NRXN2: variants seen among roughly 807,000 people sequenced by gnomAD.
NRXN2 encodes neurexin-2-beta.
Under a neutral mutation model 128.8 loss-of-function variants are expected in NRXN2, and 29 were observed. That is an observed-to-expected ratio of 0.23 (90% confidence interval 0.17 to 0.31). NRXN2 has a LOEUF of 0.31. Among genes scored for constraint, NRXN2 ranks in the 10% least tolerant of loss-of-function variants. The probability of loss-of-function intolerance (pLI) is 1.00; values close to 1 mark genes in which losing one functional copy is unlikely to be tolerated. For synonymous variants in NRXN2, 1,098 were observed against 1,075.2 expected, an observed-to-expected ratio of 1.02 and a Z score of -0.41; for missense variants, 1,881 against 2,452.6, an observed-to-expected ratio of 0.77 and a Z score of 4.92.
At chr11:64,686,615 T>C (rs1215701736) in intron 5 of NRXN2, among the ~76,000 whole-genome samples, 1 of 152,066 alleles carries the variant, frequency 6.6e-6, no homozygotes, top group East Asian at 1.9e-4. Flanking sequence ...CAGGCAGAGC[T>C]CACATGGGTG....
intron 9 of NRXN2, among the ~76,000 whole-genome samples, chr11:64,665,053 CGG>C (rs2049622433): frequency 6.6e-6 from 1 of 151,350 alleles, no homozygotes; most frequent in Non-Finnish European, 1.5e-5. Flanking sequence ...GAGGCCAAGG[CGG>C]GCGGATCATG....
At chr11:64,650,268 G>A (rs923486925) in intron 15 of NRXN2, among the ~76,000 whole-genome samples, 180 bp downstream of exon 15, 1 of 152,098 alleles carries the variant, frequency 6.6e-6, no homozygotes, top group Non-Finnish European at 1.5e-5. Context: ...AGACTCACAA[G>A]AGAGCCAAGC....
In NRXN2 at chr11:64,607,713, T is replaced by A. The variant is rs797045801; in HGVS notation, c.4622A>T (p.Asp1541Val). Residue 1541 changes from aspartate to valine, a missense_variant, in exon 23 of 23, where the codon GAT becomes GTT. Asp to Val is a radical substitution (Grantham distance 152). Coordinates refer to ENST00000265459, the MANE Select transcript of NRXN2 (RefSeq NM_015080.4). Reference protein sequence around the residue: ...KPAPRPNLRTDGATGAPGVLF... With the variant: ...KPAPRPNLRTVGATGAPGVLF... ...CACCCCAGGGGCGCCCGTGGCCCCA[T>A]CTGTCCTGAGGTTGGGCCGGGGAGC... The A allele has an allele frequency of 1.3e-6, 2 of 1,554,860 alleles. No homozygotes were observed. The highest frequency in any genetic ancestry group is 2.4e-5 in the South Asian group (2 of 84,494).
chr11:64,630,224 C>T lies in NRXN2; in HGVS notation c.3757+178G>A, dbSNP rs2135368522. On this transcript the variant is annotated intron_variant, in intron 19 of 22. Transcript: ENST00000265459. This position sits in a 1 kb window ranked among gnomAD's most constrained non-coding sequence, Gnocchi z 4.6. ...CCGCCGCCACAAATCCCGACTTTTCCTAGCCACGCCCCTGCCCTAGTCCCG... is the reference window on the plus strand; with the variant it reads ...CCGCCGCCACAAATCCCGACTTTTCTTAGCCACGCCCCTGCCCTAGTCCCG... Among the ~76,000 whole-genome samples the T allele has an allele frequency of 6.6e-6, 1 of 152,272 alleles. No individual in the cohort carries two copies. The highest frequency in any genetic ancestry group is 1.9e-4 in the East Asian group (1 of 5,164).
intron 20 of NRXN2, among the ~76,000 whole-genome samples, chr11:64,625,477 G>A (rs2042947656): frequency 6.6e-6 from 1 of 152,178 alleles, no homozygotes; most frequent in Non-Finnish European, 1.5e-5. Context: ...TATCACATCT[G>A]GTTATCAGCA....
chr11:64,673,410 T>C (rs1376416206), intron 7 of NRXN2, among the ~76,000 whole-genome samples: 2 of 152,014 alleles, frequency 1.3e-5, no homozygotes, highest in Non-Finnish European at 2.9e-5. Context: ...TTAGTAAAAA[T>C]AAATTGGAAA....
chr11:64,688,245 G>A (rs1592126208), intron 5 of NRXN2: 1 of 976,412 alleles, frequency 1.0e-6, no homozygotes, highest in South Asian at 4.7e-5. Flanking sequence ...GGGTGGCAAA[G>A]CTAGCTACTC....
chr11:64,716,273 AGGGACTGTTTCCCCC>A (rs1404555811), intron 1 of NRXN2, among the ~76,000 whole-genome samples: 1 of 152,092 alleles, frequency 6.6e-6, no homozygotes, highest in Non-Finnish European at 1.5e-5. Context: ...TCAGAACAGG[AGGGACTGTTTCCCCC>A]GCCCCACCCC....
Position 64,661,100 on chromosome 11 carries a change from G to A in NRXN2, c.1838C>T (p.Ala613Val), listed in dbSNP as rs748162664. ...GTCCAGAATCTCGCTGTCTCCAGTG[G>A]CCAAGAACGGCGTGCTGCGACTATT... ...SVNSRSTPFL[A>V]TGDSEILDLE... Residue 613 changes from alanine (A) to valine (V), a missense_variant, in exon 10 of 23, where the codon GCC (alanine) becomes GTC (valine). Physicochemically the swap from Ala to Val is moderately conservative, Grantham distance 64. Around this residue, in one of 7 missense-constraint regions of NRXN2, gnomAD observed 997 missense variants for 1,240.8 expected, o/e 0.80. Coordinates refer to ENST00000265459, the MANE Select transcript of NRXN2 (RefSeq NM_015080.4). The A allele has an allele frequency of 1.8e-5, 29 of 1,613,462 alleles. No homozygotes were observed. The highest frequency in any genetic ancestry group is 2.4e-5 in the Non-Finnish European group (28 of 1,180,032).
In NRXN2 at chr11:64,651,670, G is replaced by A. The variant is rs764812557; in HGVS notation, c.2537-34C>T. On this transcript the variant is annotated intron_variant, in intron 13 of 22. Transcript: ENST00000265459. This position sits in a 1 kb window ranked among gnomAD's most constrained non-coding sequence, Gnocchi z 5.9. ...GACAGGAGACCAAGATGAGGGGGAT[G>A]GCTTTGGGGCAGGGCTGGGGCTTGG... The A allele has an allele frequency of 1.6e-5, 26 of 1,610,906 alleles. No homozygotes were observed. The highest frequency in any genetic ancestry group is 2.0e-5 in the Non-Finnish European group (23 of 1,178,894).
Position 64,660,061 on chromosome 11 carries a change from T to C in NRXN2, c.2389+271A>G, listed in dbSNP as rs995479013. Among the ~76,000 whole-genome samples, 5 of 152,220 alleles carry C rather than the reference T, an allele frequency of 3.3e-5. No homozygotes were observed. Among genetic ancestry groups the C allele is most frequent in the Non-Finnish European group, 5.9e-5 (4 of 68,026 alleles). On this transcript the variant is annotated intron_variant, in intron 11 of 22. Coordinates refer to ENST00000265459, the MANE Select transcript of NRXN2 (RefSeq NM_015080.4). The surrounding 1 kb of genome is among the most constrained non-coding windows in gnomAD (Gnocchi z 5.2). ...AGGACAGATGCTACCAAGATCCACA[T>C]GAGTCACCAGGGAGGACAGTTAGCA...
intron 12 of NRXN2, among the ~76,000 whole-genome samples, chr11:64,652,890 C>T (rs907455191): frequency 6.6e-6 from 1 of 152,142 alleles, no homozygotes; most frequent in Non-Finnish European, 1.5e-5. Context: ...CTTTCAAATG[C>T]TGCTGGACTT....
chr11:64,639,332 C>T (rs1203750050), intron 17 of NRXN2, among the ~76,000 whole-genome samples: 2 of 152,100 alleles, frequency 1.3e-5, no homozygotes, highest in Non-Finnish European at 2.9e-5. Flanking sequence ...GGCCATAAAC[C>T]ATCCAGTCAG....
intron 2 of NRXN2, among the ~76,000 whole-genome samples, chr11:64,711,802 A>G (rs1417642940): frequency 6.6e-6 from 1 of 152,162 alleles, no homozygotes; most frequent in Non-Finnish European, 1.5e-5. Flanking sequence ...ACTCCTCGTC[A>G]AGAGCCTGAG....
intron 6 of NRXN2, among the ~76,000 whole-genome samples, chr11:64,680,370 T>C (rs1341295897): frequency 6.6e-6 from 1 of 152,142 alleles, no homozygotes; most frequent in Non-Finnish European, 1.5e-5. Context: ...GACCCATTTT[T>C]CAGACATACA....
At position 64,607,241 on chromosome 11, in the gene NRXN2, C is replaced by T; in HGVS notation, c.5094G>A (p.Thr1698=). Residue 1698 remains threonine, a synonymous_variant, in exon 23 of 23, where the codon ACG becomes ACA. Transcript: ENST00000265459. ...VKEKAPAAPK[T]PSKAKKNKDK... is the part of the protein sequence containing the mutation. ...CTTTGTTCTTCTTGGCCTTGCTGGG[C>T]GTCTTGGGGGCAGCCGGGGCCTTCT... 4 of 1,613,882 alleles carry T rather than the reference C, an allele frequency of 2.5e-6. No homozygotes were observed. Among genetic ancestry groups the T allele is most frequent in the Non-Finnish European group, 3.4e-6 (4 of 1,179,946 alleles).
intron 3 of NRXN2, among the ~76,000 whole-genome samples, chr11:64,696,708 G>A (rs981482744): frequency 6.6e-6 from 1 of 152,054 alleles, no homozygotes; most frequent in Non-Finnish European, 1.5e-5. Flanking sequence ...TTCTTTCCCA[G>A]GACTACTGCA....
chr11:64,702,042 G>T (rs1336704808), intron 2 of NRXN2, among the ~76,000 whole-genome samples: 1 of 150,062 alleles, frequency 6.7e-6, no homozygotes, highest in East Asian at 2.0e-4. Context: ...GCCCCGTCCG[G>T]GAGGTGAGGG....
rs1325346651 is a variant in NRXN2 at position 64,643,193 on chromosome 11, C to T, written c.3403+5026G>A. 3.1e-6 allele frequency: 3 copies of T among 974,256 alleles called. No homozygotes were observed. In the African/African-American group the frequency reaches 5.6e-5, roughly 18 times the overall value. The allele number at this position is 974,256 out of a possible 1,614,324, so 60.4% of individuals were successfully genotyped here. ...CAGGGAGGGGAGAGCGAGGGAAATC[C>T]TGCGGAAAAACCGAGCTGGGGAGCG... On this transcript the variant is annotated intron_variant, in intron 17 of 22. Coordinates refer to ENST00000265459, the MANE Select transcript of NRXN2 (RefSeq NM_015080.4).
Sources: gnomAD v4.1 joint callset for allele counts (sites outside exome capture counted in the v4.1 genomes callset) on GRCh38, gnomAD v4.1.1 for gene constraint, gnomAD v4.1.1 regional missense constraint, Gnocchi (gnomAD v3.1) non-coding constraint, MANE v1.5 for transcripts, NCBI Gene and HGNC (gene_info 2026-07-23, HGNC 2026-07-21) for gene names.